Variants in ENTHD1 observed in about 807,000 individuals in gnomAD.
The protein encoded by ENTHD1 is ENTH domain-containing protein 1.
ENTHD1 carries 23 observed loss-of-function variants against 39.1 expected under a neutral mutation model. That is an observed-to-expected ratio of 0.59 (90% CI 0.42 to 0.83). The LOEUF (loss-of-function observed/expected upper bound fraction) is 0.83, where lower values mean the gene tolerates loss of function less well. Among genes scored for constraint, ENTHD1 ranks in the 40% least tolerant of loss-of-function variants. ENTHD1 has a pLI of 0.00. For missense variants in ENTHD1, 624 were observed against 705.4 expected, an observed-to-expected ratio of 0.88 and a Z score of 1.31; for synonymous variants, 230 against 258.2, an observed-to-expected ratio of 0.89 and a Z score of 1.05.
At position 39,765,395 on chromosome 22, in the gene ENTHD1, T is replaced by C. The variant is rs1898089105; in HGVS notation, c.1047A>G (p.Val349=). The C allele has an allele frequency of 1.9e-6, 3 of 1,614,042 alleles. No individual in the cohort carries two copies. Among genetic ancestry groups the C allele is most frequent in the South Asian group, 1.1e-5 (1 of 91,074 alleles). The change falls in exon 6 of 7, where the codon GTA becomes GTG. Residue 349 remains valine, a synonymous_variant. Transcript: ENST00000325157. ...TATGGAAAGTAGAATCTGACTTTGA[T>C]ACCCTTAAGTCGGGGCTGATAAACT... ...KEEFISPDLR[V]SKSDSTFHNQ... is the part of the protein sequence containing the mutation.
At chr22:39,843,261 C>G (rs1260029540) in intron 3 of ENTHD1, among the ~76,000 whole-genome samples, 1 of 151,974 alleles carries the variant, frequency 6.6e-6, no homozygotes, top group Admixed American at 6.6e-5. Context: ...ACATATACAC[C>G]ATGGAATACT....
intron 6 of ENTHD1, among the ~76,000 whole-genome samples, chr22:39,745,505 C>A (rs1182470987): frequency 6.6e-6 from 1 of 152,218 alleles, no homozygotes; most frequent in Non-Finnish European, 1.5e-5. Flanking sequence ...CCTATCTCCA[C>A]TTCTCAGGAA....
chr22:39,812,601 T>C (rs2065698307), intron 5 of ENTHD1, among the ~76,000 whole-genome samples: 2 of 152,184 alleles, frequency 1.3e-5, no homozygotes, highest in South Asian at 2.1e-4. Flanking sequence ...CAGTGGGCCA[T>C]GTAGCAAGGA....
chr22:39,835,179 T>C (rs1371089559), intron 4 of ENTHD1, among the ~76,000 whole-genome samples: 1 of 152,130 alleles, frequency 6.6e-6, no homozygotes, highest in Non-Finnish European at 1.5e-5. Context: ...CTAATTAATA[T>C]ACCAATATCC....
intron 5 of ENTHD1, among the ~76,000 whole-genome samples, chr22:39,811,909 G>A (rs1016154331): frequency 2.0e-5 from 3 of 151,998 alleles, no homozygotes; most frequent in Admixed American, 6.5e-5. Context: ...AACCCGGGAG[G>A]CGCAGCTTGC....
intron 6 of ENTHD1, among the ~76,000 whole-genome samples, chr22:39,747,919 T>C (rs1293328626): frequency 6.6e-6 from 1 of 152,118 alleles, no homozygotes; most frequent in Non-Finnish European, 1.5e-5. Flanking sequence ...GCAAGATCGG[T>C]GCATCACTTT....
rs745413495 is a variant in ENTHD1, at chr22:39,835,876, T to G, written c.675A>C (p.Thr225=). The G allele has an allele frequency of 6.2e-7, 1 of 1,609,654 alleles. No homozygotes were observed. Among genetic ancestry groups the G allele is most frequent in the Non-Finnish European group, 8.5e-7 (1 of 1,177,718 alleles). ...TCCAACCATGAATCTTGAGTGGAAG[T>G]GTTTCCTGGGACAACATAGTTTCTG... ...LPTETMLSQE[T]LPLKIHGWKS... is the part of the protein sequence containing the mutation. The change falls in exon 4 of 7, where the codon ACA becomes ACC. Residue 225 remains threonine (T), a synonymous_variant. Coordinates refer to ENST00000325157, the MANE Select transcript of ENTHD1 (RefSeq NM_152512.4).
At chr22:39,820,960 A>G (rs758933589) in intron 5 of ENTHD1, 33 bp downstream of exon 5, 9 of 1,611,288 alleles carry the variant, frequency 5.6e-6, no homozygotes, top group African/African-American at 1.3e-5. Context: ...ATAAAATCTG[A>G]TAAGTAAACT....
At chr22:39,887,301 G>A (rs2066386295) in intron 2 of ENTHD1, 99 bp downstream of exon 2, 1 of 1,024,248 alleles carries the variant, frequency 9.8e-7, no homozygotes. Flanking sequence ...AGCATCAAAT[G>A]CCTGGGCTCA....
At chr22:39,811,420 A>G (rs1255674208) in intron 5 of ENTHD1, among the ~76,000 whole-genome samples, 1 of 152,202 alleles carries the variant, frequency 6.6e-6, no homozygotes, top group Non-Finnish European at 1.5e-5. Flanking sequence ...TGATCAATGG[A>G]GCCTCTGACA....
Position 39,875,280 on chromosome 22 carries a change from C to G in ENTHD1, c.349+12120G>C, listed in dbSNP as rs961833427. The G allele has an allele frequency of 5.7e-6, 7 of 1,234,554 alleles. No homozygotes were observed. The African/African-American group carries it at 9.5e-5, about 17-fold the overall frequency. The allele number at this position is 1,234,554 out of a possible 1,614,324, so 76.5% of individuals were successfully genotyped here. A position where few individuals can be genotyped will look rare whatever the true frequency, so the allele number is the denominator to read the frequency against. ...TAAGAACAAATGCAACAAATCTATA[C>G]AGTTAAAGAAATTCGGTCGGTCGCA... On this transcript the variant is annotated intron_variant, in intron 2 of 6. Transcript: ENST00000325157.
At chr22:39,859,423 A>T (rs1177076022) in intron 3 of ENTHD1, among the ~76,000 whole-genome samples, 2 of 152,188 alleles carry the variant, frequency 1.3e-5, no homozygotes, top group Non-Finnish European at 2.9e-5. Context: ...GGCTTTCAAC[A>T]TGCCTTTCTC....
intron 5 of ENTHD1, among the ~76,000 whole-genome samples, chr22:39,786,421 T>C (rs5757795): frequency 7.9e-5 from 12 of 152,106 alleles, no homozygotes; most frequent in African/African-American, 2.4e-4. Flanking sequence ...AGTATTACAA[T>C]ACATTTTTAC....
At chr22:39,772,323 C>T (rs2065333160) in intron 5 of ENTHD1, among the ~76,000 whole-genome samples, 1 of 152,166 alleles carries the variant, frequency 6.6e-6, no homozygotes, top group South Asian at 2.1e-4. Context: ...TCACCTCCTG[C>T]TGTGCGGCCC....
chr22:39,773,109 C>A (rs1190995781), intron 5 of ENTHD1, among the ~76,000 whole-genome samples: 2 of 108,708 alleles, frequency 1.8e-5, no homozygotes, highest in African/African-American at 3.7e-5. Flanking sequence ...CATAGTGAGA[C>A]CTCATCTCAA....
intron 1 of ENTHD1, among the ~76,000 whole-genome samples, chr22:39,890,169 A>C (rs928950480): frequency 2.0e-5 from 3 of 151,654 alleles, no homozygotes; most frequent in Admixed American, 2.0e-4. Context: ...TGTATTAAAT[A>C]TCTGTTTAAT....
At chr22:39,768,971 T>C (rs537894745) in intron 5 of ENTHD1, among the ~76,000 whole-genome samples, 1 of 151,936 alleles carries the variant, frequency 6.6e-6, no homozygotes, top group South Asian at 2.1e-4. Flanking sequence ...TATGTATATA[T>C]AGATAGATAC....
Position 39,789,958 on chromosome 22 carries a change from TG to T in ENTHD1, c.833-24350del, listed in dbSNP as rs577885002. Among the ~76,000 whole-genome samples, 905 of 152,118 alleles carry T rather than the reference TG, an allele frequency of 5.9e-3. 4 individuals are homozygous for T. Among genetic ancestry groups the T allele is most frequent in the African/African-American group, 0.021 (864 of 41,480 alleles). ...AAAGGAGGTGAGAGAGAAAATCATG[TG>T]GATCAGTGGAGGGCAGAGTGTTCTA... is the stretch of plus-strand genomic sequence containing the variant. On this transcript the variant is annotated intron_variant, in intron 5 of 6. Coordinates refer to ENST00000325157, the MANE Select transcript of ENTHD1 (RefSeq NM_152512.4).
chr22:39,876,249 T>C, intron 2 of ENTHD1: 1 of 1,104,310 alleles, frequency 9.1e-7, no homozygotes, highest in Admixed American at 3.0e-5. Flanking sequence ...AACATTAATG[T>C]GAAATAAATT....
Sources: allele counts gnomAD v4.1 joint callset (sites outside exome capture counted in the v4.1 genomes callset), GRCh38; gene constraint gnomAD v4.1.1; transcripts MANE v1.5; gene names NCBI Gene and HGNC (gene_info 2026-07-23, HGNC 2026-07-21).